The following KHDRBS2 variants were observed in gnomAD, a reference collection of about 807,000 sequenced individuals.
KHDRBS2 encodes the protein KH domain-containing, RNA-binding, signal transduction-associated protein 2.
KHDRBS2 carries 26 observed loss-of-function variants against 44.3 expected under a neutral mutation model. The ratio of observed to expected loss-of-function variants is 0.59; its 90% confidence interval spans 0.43 to 0.81. The LOEUF (loss-of-function observed/expected upper bound fraction) is 0.81, where lower values mean the gene tolerates loss of function less well. Ranked by LOEUF, KHDRBS2 falls within the 40% of genes least tolerant of loss-of-function variation. The probability of loss-of-function intolerance (pLI) is 0.00; values close to 1 mark genes in which losing one functional copy is unlikely to be tolerated. For synonymous variants in KHDRBS2, 194 were observed against 151.1 expected (o/e 1.28, Z -2.08); for missense variants, 476 against 433.1 (o/e 1.10, Z -0.88).
intron 6 of KHDRBS2, among the ~76,000 whole-genome samples, chr6:61,734,564 C>T (rs1292514745): frequency 6.6e-6 from 1 of 151,854 alleles, no homozygotes; most frequent in Non-Finnish European, 1.5e-5. Flanking sequence ...TCTATTATTT[C>T]CCTTACTTAT....
chr6:62,179,480 G>A (rs560264131), intron 1 of KHDRBS2, among the ~76,000 whole-genome samples: 8 of 151,546 alleles, frequency 5.3e-5, no homozygotes, highest in African/African-American at 1.7e-4. Context: ...TATGATAATT[G>A]CAAAGAAAAT....
At chr6:62,154,120 G>A (rs1436703955) in intron 2 of KHDRBS2, among the ~76,000 whole-genome samples, 1 of 152,192 alleles carries the variant, frequency 6.6e-6, no homozygotes, top group Non-Finnish European at 1.5e-5. Context: ...AGTACCAAGT[G>A]AGAGGCTGTA....
At chr6:61,634,694 T>C in the KHDRBS2 span, among the ~76,000 whole-genome samples, 1 of 152,032 alleles carries the variant, frequency 6.6e-6, no homozygotes, top group Non-Finnish European at 1.5e-5. Flanking sequence ...AACGTAGGCA[T>C]AAAGGTCTCA....
At chr6:62,087,586 G>C (rs1798637146) in intron 2 of KHDRBS2, among the ~76,000 whole-genome samples, 1 of 152,038 alleles carries the variant, frequency 6.6e-6, no homozygotes, top group Non-Finnish European at 1.5e-5. Flanking sequence ...TCCCTGAGAA[G>C]AAAACAAACC....
chr6:62,182,998 T>A (rs1313179169), intron 1 of KHDRBS2, among the ~76,000 whole-genome samples: 1 of 151,892 alleles, frequency 6.6e-6, no homozygotes, highest in East Asian at 1.9e-4. Flanking sequence ...ACAAAATTCA[T>A]ACTTCCTGAA....
the KHDRBS2 span, among the ~76,000 whole-genome samples, chr6:61,549,114 A>G: frequency 0.024 from 3,716 of 152,300 alleles, 71 homozygotes; most frequent in Middle Eastern, 0.085. Flanking sequence ...TAGGATTGTC[A>G]AGATTAGAAG....
At chr6:62,165,106 G>A (rs1818403081) in intron 2 of KHDRBS2, among the ~76,000 whole-genome samples, 1 of 151,572 alleles carries the variant, frequency 6.6e-6, no homozygotes, top group South Asian at 2.1e-4. Context: ...CTTTCCTTGT[G>A]CAGAAGTTTT....
intron 1 of KHDRBS2, among the ~76,000 whole-genome samples, chr6:62,229,803 T>A (rs1401730102): frequency 3.9e-5 from 6 of 152,116 alleles, no homozygotes; most frequent in Non-Finnish European, 8.8e-5. Context: ...GCTCTTCCTT[T>A]CTCTTCCTGG....
intron 4 of KHDRBS2, among the ~76,000 whole-genome samples, chr6:61,967,957 T>C (rs9453795): frequency 0.023 from 1,713 of 73,532 alleles, 34 homozygotes; most frequent in African/African-American, 0.072. Flanking sequence ...TATATATATA[T>C]ACACACACAC....
intron 2 of KHDRBS2, among the ~76,000 whole-genome samples, chr6:62,072,919 C>A (rs1382037749): frequency 6.6e-6 from 1 of 152,038 alleles, no homozygotes; most frequent in East Asian, 1.9e-4. Context: ...AGGAATGGTA[C>A]CAGCTCCCCC....
At chr6:61,624,037 A>G in the KHDRBS2 span, among the ~76,000 whole-genome samples, 155 of 152,334 alleles carry the variant, frequency 1.0e-3, no homozygotes, top group African/African-American at 3.4e-3. Context: ...GAAAAGAAAA[A>G]GTTTAGAACA....
At chr6:61,891,468 C>T (rs1801825764) in intron 6 of KHDRBS2, among the ~76,000 whole-genome samples, 1 of 152,078 alleles carries the variant, frequency 6.6e-6, no homozygotes, top group Non-Finnish European at 1.5e-5. Context: ...AGGAAGGATT[C>T]CCTCTTTTTC....
chr6:61,833,723 A>C (rs903937206), intron 6 of KHDRBS2, among the ~76,000 whole-genome samples: 1 of 152,184 alleles, frequency 6.6e-6, no homozygotes, highest in Admixed American at 6.6e-5. Context: ...TGTGAAAAAT[A>C]CTATGGTTAC....
intron 2 of KHDRBS2, among the ~76,000 whole-genome samples, chr6:62,062,473 C>A (rs1206654089): frequency 6.6e-6 from 1 of 151,994 alleles, no homozygotes; most frequent in African/African-American, 2.4e-5. Flanking sequence ...GATTAAGAAT[C>A]TCACTCAAAG....
At chr6:61,638,690 T>C in the KHDRBS2 span, among the ~76,000 whole-genome samples, 1 of 152,134 alleles carries the variant, frequency 6.6e-6, no homozygotes, top group Non-Finnish European at 1.5e-5. Context: ...CTTTTAACAG[T>C]AAAAATCAAT....
At chr6:61,662,271 G>C in the KHDRBS2 span, among the ~76,000 whole-genome samples, 1 of 151,976 alleles carries the variant, frequency 6.6e-6, no homozygotes, top group Non-Finnish European at 1.5e-5. Context: ...AGACTTACAT[G>C]TTAGACCTAA....
At chr6:61,611,340 A>G in the KHDRBS2 span, among the ~76,000 whole-genome samples, 2 of 152,336 alleles carry the variant, frequency 1.3e-5, no homozygotes, top group Admixed American at 1.3e-4. Context: ...ACCTTATGAA[A>G]AGCATCATAG....
intron 1 of KHDRBS2, among the ~76,000 whole-genome samples, chr6:62,204,377 G>T (rs546845300): frequency 6.6e-6 from 1 of 152,272 alleles, no homozygotes; most frequent in Admixed American, 6.5e-5. Context: ...TTTATGCAAT[G>T]AGGTAAACTG....
intron 4 of KHDRBS2, among the ~76,000 whole-genome samples, chr6:61,934,148 C>T (rs1209941254): frequency 2.6e-5 from 4 of 151,476 alleles, no homozygotes; most frequent in South Asian, 2.1e-4. Flanking sequence ...AGTTATTTGT[C>T]GGGTTTTTTT....
Sources: allele counts gnomAD v4.1 joint callset (sites outside exome capture counted in the v4.1 genomes callset), GRCh38; gene constraint gnomAD v4.1.1; transcripts MANE v1.5; gene names NCBI Gene and HGNC (gene_info 2026-07-23, HGNC 2026-07-21).